ACTR3B: variants seen among roughly 807,000 people sequenced by gnomAD.
ACTR3B encodes the protein actin related protein 3B, also known as actin-related protein 3B.
ACTR3B carries 8 observed loss-of-function variants against 59.0 expected under a neutral mutation model. The ratio of observed to expected loss-of-function variants is 0.14; its 90% confidence interval spans 0.08 to 0.24. ACTR3B has a LOEUF of 0.24. Among genes scored for constraint, ACTR3B ranks in the 10% least tolerant of loss-of-function variants. The pLI is 1.00. For missense variants in ACTR3B, 245 were observed against 552.3 expected, an observed-to-expected ratio of 0.44 and a Z score of 5.58; for synonymous variants, 148 against 197.9, an observed-to-expected ratio of 0.75 and a Z score of 2.12.
intron 1 of ACTR3B, among the ~76,000 whole-genome samples, chr7:152,781,192 G>GT (rs2098152140): frequency 3.5e-5 from 4 of 113,822 alleles, no homozygotes; most frequent in Middle Eastern, 5.4e-3. Flanking sequence ...TCGTTTCAGT[G>GT]GTTTTTTTTT....
chr7:152,799,246 A>G (rs1275548299), intron 2 of ACTR3B, among the ~76,000 whole-genome samples: 2 of 152,190 alleles, frequency 1.3e-5, no homozygotes, highest in Non-Finnish European at 2.9e-5. Context: ...TAGTTTGACC[A>G]TTTTTCAAAC....
chr7:152,820,262 C>A, intron 6 of ACTR3B, 37 bp from the exon 7 acceptor site: 3 of 1,574,814 alleles, frequency 1.9e-6, no homozygotes, highest in South Asian at 2.4e-5. Context: ...ACCACGAAAT[C>A]ACTAACACAG....
intron 2 of ACTR3B, among the ~76,000 whole-genome samples, chr7:152,799,088 G>A (rs1341384644): frequency 6.6e-6 from 1 of 152,162 alleles, no homozygotes; most frequent in African/African-American, 2.4e-5. Flanking sequence ...TGGGTAGTAA[G>A]TCACAAAGAT....
intron 1 of ACTR3B, among the ~76,000 whole-genome samples, chr7:152,768,189 C>T (rs553562498): frequency 6.6e-6 from 1 of 152,362 alleles, no homozygotes. Flanking sequence ...AGCCACTGTA[C>T]TCCAGCCTGG....
intron 2 of ACTR3B, among the ~76,000 whole-genome samples, chr7:152,791,285 C>T (rs1417997433): frequency 2.6e-5 from 4 of 152,122 alleles, no homozygotes; most frequent in South Asian, 2.1e-4. Context: ...TGATTAGAGG[C>T]GTGAGCCGCT....
intron 7 of ACTR3B, among the ~76,000 whole-genome samples, chr7:152,821,587 T>C (rs1796162243): frequency 6.6e-6 from 1 of 152,210 alleles, no homozygotes; most frequent in Non-Finnish European, 1.5e-5. Context: ...CGGAGGGGCT[T>C]TCCTGACCCT....
intron 9 of ACTR3B, among the ~76,000 whole-genome samples, chr7:152,851,675 G>A (rs968879457): frequency 6.6e-6 from 1 of 152,160 alleles, no homozygotes. Context: ...TGTTCCTTCC[G>A]GTAACTTGGA....
chr7:152,823,281 C>A (rs1796323444), intron 7 of ACTR3B, 61 bp from the exon 8 acceptor site: 2 of 1,588,740 alleles, frequency 1.3e-6, no homozygotes, highest in Non-Finnish European at 1.7e-6. Flanking sequence ...GGTTATTTGT[C>A]TGAGGGCAGA....
At chr7:152,795,536 T>G (rs1010193537) in intron 2 of ACTR3B, among the ~76,000 whole-genome samples, 1 of 152,238 alleles carries the variant, frequency 6.6e-6, no homozygotes, top group Non-Finnish European at 1.5e-5. Context: ...CCTTGAAAAC[T>G]TTTCATTTGG....
At chr7:152,770,776 A>G (rs1231275239) in intron 1 of ACTR3B, among the ~76,000 whole-genome samples, 4 of 135,816 alleles carry the variant, frequency 2.9e-5, no homozygotes, top group Admixed American at 7.0e-5. Context: ...TGTCATTGTA[A>G]GCATGGCAAC....
intron 2 of ACTR3B, among the ~76,000 whole-genome samples, chr7:152,797,516 GTCA>G (rs991187456): frequency 1.3e-5 from 2 of 152,176 alleles, no homozygotes; most frequent in African/African-American, 4.8e-5. Flanking sequence ...ACTTCATATA[GTCA>G]TCATTTTTGT....
chr7:152,785,414 G>T (rs1333346428), intron 2 of ACTR3B, among the ~76,000 whole-genome samples: 1 of 7,912 alleles, frequency 1.3e-4, no homozygotes. Context: ...GGAGAGGGAG[G>T]GAGAGGGAGG....
intron 5 of ACTR3B, 81 bp downstream of exon 5, chr7:152,814,726 G>T: frequency 9.0e-7 from 1 of 1,110,766 alleles, no homozygotes; most frequent in South Asian, 1.5e-5. Context: ...AAGGTTCTCC[G>T]CTGGAAGACT....
At chr7:152,844,160 C>T (rs184902194) in intron 9 of ACTR3B, among the ~76,000 whole-genome samples, 6 of 152,104 alleles carry the variant, frequency 3.9e-5, no homozygotes, top group Admixed American at 6.6e-5. Context: ...CAGGTTCAAG[C>T]GATTCTCCTG....
chr7:152,827,006 ATTC>A (rs1162680645), intron 9 of ACTR3B, among the ~76,000 whole-genome samples: 4 of 151,342 alleles, frequency 2.6e-5, no homozygotes, highest in Non-Finnish European at 5.9e-5. Context: ...AGGGAAGAGG[ATTC>A]TTCTTTTTGT....
Position 152,812,019 on chromosome 7 carries a change from C to CTTTTTTTTT in ACTR3B, c.337-2510_337-2502dup, listed in dbSNP as rs1164677748. On this transcript the variant is annotated intron_variant, in intron 4 of 11. Coordinates refer to ENST00000256001, the MANE Select transcript of ACTR3B (RefSeq NM_020445.6). The stretch of plus-strand genomic sequence containing the variant: ...TTCTTAATTCCCAGAAAATAAAAGT[C>CTTTTTTTTT]TTTTTTTTTTTTTTTTTTTTTTTTT... The CTTTTTTTTT allele has an allele frequency of 8.8e-3, 205 of 23,374 alleles. 59 individuals carry two copies. The highest frequency in any genetic ancestry group is 0.036 in the East Asian group (14 of 390). 1.4% of individuals were successfully genotyped at this position (23,374 alleles called of 1,614,324 possible).
At chr7:152,831,213 CAAG>C (rs1383413217) in intron 9 of ACTR3B, among the ~76,000 whole-genome samples, 7 of 152,258 alleles carry the variant, frequency 4.6e-5, no homozygotes, top group African/African-American at 1.7e-4. Context: ...GCCCAGCTCA[CAAG>C]AACATTAAGA....
intron 4 of ACTR3B, among the ~76,000 whole-genome samples, chr7:152,810,521 C>A (rs1470020966): frequency 1.3e-5 from 2 of 151,692 alleles, no homozygotes; most frequent in African/African-American, 4.8e-5. Context: ...ACAGCCTCGA[C>A]CTCCTGGGCT....
In ACTR3B at chr7:152,816,459, G is replaced by A. The variant is rs1313974542; in HGVS notation, c.433-22G>A. 8.5e-6 allele frequency: 13 copies of A among 1,535,908 alleles called. No homozygotes were observed. The East Asian group carries it at 1.2e-4, about 14-fold the overall frequency. On this transcript the variant is annotated intron_variant, in intron 5 of 11. Coordinates refer to ENST00000256001, the MANE Select transcript of ACTR3B (RefSeq NM_020445.6). ...TTAGAAAGAGTTCCTATGTGCGAGC[G>A]GTTTTCATGTCTTTTCTCCAGGCAG...
Sources: gnomAD v4.1 joint callset for allele counts (sites outside exome capture counted in the v4.1 genomes callset) on GRCh38, gnomAD v4.1.1 for gene constraint, MANE v1.5 for transcripts, NCBI Gene and HGNC (gene_info 2026-07-23, HGNC 2026-07-21) for gene names.